Variants in CBL observed in about 807,000 individuals in gnomAD.
The protein encoded by CBL is Cbl proto-oncogene, also known as E3 ubiquitin-protein ligase CBL.
A neutral mutation model predicts 96.9 loss-of-function variants in CBL; 45 were observed. That is an observed-to-expected ratio of 0.46 (90% CI 0.37 to 0.60). CBL has a LOEUF of 0.60. Among genes scored for constraint, CBL ranks in the 20% least tolerant of loss-of-function variants. The probability of loss-of-function intolerance (pLI) is 0.00; values close to 1 mark genes in which losing one functional copy is unlikely to be tolerated. For synonymous variants in CBL, 420 were observed against 426.8 expected (o/e 0.98, Z 0.20); for missense variants, 1,024 against 1,143.5 (o/e 0.90, Z 1.51).
intron 1 of CBL, among the ~76,000 whole-genome samples, chr11:119,215,375 A>T (rs1319826192): frequency 6.6e-6 from 1 of 152,138 alleles, no homozygotes; most frequent in Non-Finnish European, 1.5e-5. Context: ...CCTAATGATT[A>T]ACCTAGAGTG....
chr11:119,297,254 A>G (rs140888212), intron 13 of CBL, 130 bp from the exon 14 acceptor site: 4 of 816,496 alleles, frequency 4.9e-6, no homozygotes, highest in Non-Finnish European at 8.4e-6. Context: ...ACATACACCT[A>G]TAACTTGCCA....
chr11:119,288,099 T>A (rs1351818511), intron 12 of CBL, among the ~76,000 whole-genome samples, 153 bp downstream of exon 12: 2 of 152,250 alleles, frequency 1.3e-5, no homozygotes, highest in African/African-American at 4.8e-5. Flanking sequence ...TTAGAGTATT[T>A]CCTTCTTTTC....
intron 2 of CBL, among the ~76,000 whole-genome samples, chr11:119,236,638 A>G (rs1352780496): frequency 6.8e-6 from 1 of 147,466 alleles, no homozygotes; most frequent in Non-Finnish European, 1.5e-5. Context: ...TAGGAGTGGA[A>G]TTGCTGAGTC....
In CBL at chr11:119,275,967, A is replaced by G. The variant is rs747822821; in HGVS notation, c.870-30A>G. On this transcript the variant is annotated intron_variant, in intron 5 of 15. Coordinates refer to ENST00000264033, the MANE Select transcript of CBL (RefSeq NM_005188.4). ...TTCCACCGTAATACCAGCATAATCT[A>G]CTAAAGCTTCTGTTTATGTCTGTTC... 6 of 1,611,614 alleles carry G rather than the reference A, an allele frequency of 3.7e-6. No homozygotes were observed. In the South Asian group the frequency reaches 6.6e-5, roughly 18 times the overall value.
At chr11:119,217,236 C>G (rs1453505024) in intron 1 of CBL, among the ~76,000 whole-genome samples, 1 of 152,144 alleles carries the variant, frequency 6.6e-6, no homozygotes. Context: ...TCCTGCTCAG[C>G]CTCCCGAGTA....
intron 12 of CBL, among the ~76,000 whole-genome samples, chr11:119,289,048 T>C (rs1396513225): frequency 6.6e-6 from 1 of 152,246 alleles, no homozygotes; most frequent in Non-Finnish European, 1.5e-5. Context: ...ATCCTTCTGT[T>C]ACTGCTGGCT....
chr11:119,232,455 G>A lies in CBL; in HGVS notation c.203G>A (p.Arg68Gln), dbSNP rs901321242. ...CTTTTTCATTTGTTGCAGGTGGTGC[G>A]GTTGTGTCAGAACCCAAAGCTGGCG... The part of the protein sequence containing the change: ...KCWKLMDKVV[R>Q]LCQNPKLALK... The change falls in exon 2 of 16, where the codon CGG becomes CAG. Residue 68 changes from arginine to glutamine, a missense_variant. Arg to Gln is a conservative substitution (Grantham distance 43). This residue lies in a region of CBL where 114 missense variants were observed against 117.4 expected (regional missense o/e 0.97). Coordinates refer to ENST00000264033, the MANE Select transcript of CBL (RefSeq NM_005188.4). The A allele has an allele frequency of 5.6e-6, 9 of 1,613,504 alleles. No homozygotes were observed. Among genetic ancestry groups the A allele is most frequent in the African/African-American group, 1.3e-5 (1 of 74,908 alleles).
chr11:119,264,558 CTG>C (rs1233824914), intron 2 of CBL, among the ~76,000 whole-genome samples: 2 of 151,954 alleles, frequency 1.3e-5, no homozygotes, highest in Non-Finnish European at 2.9e-5. Flanking sequence ...TCTCTGCTGA[CTG>C]TACCTCCACC....
At chr11:119,282,938 CAA>C (rs570948505) in intron 9 of CBL, among the ~76,000 whole-genome samples, 3 of 137,668 alleles carry the variant, frequency 2.2e-5, no homozygotes, top group Non-Finnish European at 1.6e-5. Flanking sequence ...CCCCGCGCCC[CAA>C]AAAAAAAAAA....
intron 1 of CBL, among the ~76,000 whole-genome samples, chr11:119,213,129 A>G (rs1489309408): frequency 6.6e-6 from 1 of 152,106 alleles, no homozygotes; most frequent in South Asian, 2.1e-4. Context: ...AAGTATTTTT[A>G]AAAGATGATT....
At chr11:119,260,939 CTT>C (rs35248070) in intron 2 of CBL, among the ~76,000 whole-genome samples, 1,022 of 89,892 alleles carry the variant, frequency 0.011, 23 homozygotes, top group African/African-American at 0.04. Context: ...TAAATCTCTA[CTT>C]TTTTTTTTTT....
chr11:119,293,900 T>C (rs1442636483), intron 12 of CBL, among the ~76,000 whole-genome samples: 1 of 152,154 alleles, frequency 6.6e-6, no homozygotes, highest in African/African-American at 2.4e-5. Context: ...GGGGGACATA[T>C]TTAAATCGTA....
At chr11:119,270,870 A>G (rs1218523409) in intron 2 of CBL, among the ~76,000 whole-genome samples, 1 of 152,042 alleles carries the variant, frequency 6.6e-6, no homozygotes, top group Admixed American at 6.6e-5. Context: ...GTGAGGCACC[A>G]CTCTCGGCCT....
In CBL at chr11:119,271,810, CT is replaced by C; in HGVS notation, c.522del (p.Gln175ArgfsTer25). On this transcript the variant is annotated frameshift_variant, in exon 3 of 16. Coordinates refer to ENST00000264033, the MANE Select transcript of CBL (RefSeq NM_005188.4). LOFTEE classifies it high-confidence loss of function. ...ELKGIFPSGL[F>X]QGDTFRITKA... ...TAAAAGGAATCTTTCCAAGTGGACT[CT>C]TTCAGGGAGACACATTTCGGATTAC... 1 of 1,614,024 alleles carries C rather than the reference CT, an allele frequency of 6.2e-7. No individual in the cohort carries two copies. Among genetic ancestry groups the C allele is most frequent in the Non-Finnish European group, 8.5e-7 (1 of 1,179,922 alleles).
chr11:119,247,797 G>A (rs1592384987), intron 2 of CBL, among the ~76,000 whole-genome samples: 1 of 152,290 alleles, frequency 6.6e-6, no homozygotes, highest in East Asian at 1.9e-4. Flanking sequence ...GGGTGACAGA[G>A]CAAGGGTCCG....
intron 1 of CBL, among the ~76,000 whole-genome samples, chr11:119,206,871 TG>T (rs1949274011): frequency 7.8e-6 from 1 of 127,802 alleles, no homozygotes; most frequent in Non-Finnish European, 1.7e-5. Flanking sequence ...AAAGATGGAG[TG>T]GGGGCTGGGG....
At position 119,303,594 on chromosome 11, in the gene CBL, A is replaced by G. The variant is rs1481953784; in HGVS notation, c.*3813A>G. Reference sequence around the variant, plus strand: ...TTTCCTCATAGAGCTATCCTGGTTAATAACAGGCCAAGATTCTCCCATTAT... The same window carrying G: ...TTTCCTCATAGAGCTATCCTGGTTAGTAACAGGCCAAGATTCTCCCATTAT... On this transcript the variant is annotated 3_prime_UTR_variant, in exon 16 of 16. Transcript: ENST00000264033. 2 of 233,606 alleles carry G rather than the reference A, an allele frequency of 8.6e-6. No homozygotes were observed. The highest frequency in any genetic ancestry group is 1.8e-4 in the South Asian group (1 of 5,530). 14.5% of individuals were successfully genotyped at this position (233,606 alleles called of 1,614,324 possible). A position where few individuals can be genotyped will look rare whatever the true frequency, so the allele number is the denominator to read the frequency against.
intron 2 of CBL, among the ~76,000 whole-genome samples, chr11:119,243,445 C>T (rs1295520591): frequency 3.3e-5 from 5 of 151,558 alleles, no homozygotes; most frequent in South Asian, 4.2e-4. Flanking sequence ...AACCACTGCG[C>T]CCAGCCTACT....
chr11:119,306,585 C>G lies in CBL; in HGVS notation c.*6804C>G. ...TCCCTCCTCTCTACCTACCTCTGAC[C>G]TTCTTGTGGGTGAGGGTGGCCATGC... On this transcript the variant is annotated 3_prime_UTR_variant, in exon 16 of 16. Coordinates refer to ENST00000264033, the MANE Select transcript of CBL (RefSeq NM_005188.4). The G allele has an allele frequency of 2.6e-6, 1 of 386,290 alleles. No individual in the cohort carries two copies. The highest frequency in any genetic ancestry group is 4.6e-6 in the Non-Finnish European group (1 of 218,384). 23.9% of individuals were successfully genotyped at this position (386,290 alleles called of 1,614,324 possible).
Sources: gnomAD v4.1 joint callset for allele counts (sites outside exome capture counted in the v4.1 genomes callset) on GRCh38, gnomAD v4.1.1 for gene constraint, gnomAD v4.1.1 regional missense constraint, MANE v1.5 for transcripts, NCBI Gene and HGNC (gene_info 2026-07-23, HGNC 2026-07-21) for gene names.